ROR1: variants seen among roughly 807,000 people sequenced by gnomAD.
ROR1 encodes the protein inactive tyrosine-protein kinase transmembrane receptor ROR1.
A neutral mutation model predicts 78.8 loss-of-function variants in ROR1; 19 were observed. The ratio of observed to expected loss-of-function variants is 0.24; its 90% CI spans 0.17 to 0.35. The LOEUF (loss-of-function observed/expected upper bound fraction) is 0.35, where lower values mean the gene tolerates loss of function less well. Among genes scored for constraint, ROR1 ranks in the 10% least tolerant of loss-of-function variants. ROR1 has a pLI of 1.00. For missense variants in ROR1, 917 were observed against 1,177.8 expected, an observed-to-expected ratio of 0.78 and a Z score of 3.24; for synonymous variants, 386 against 433.6, an observed-to-expected ratio of 0.89 and a Z score of 1.36.
intron 1 of ROR1, among the ~76,000 whole-genome samples, chr1:63,868,455 A>G (rs550598169): frequency 1.6e-4 from 24 of 152,334 alleles, no homozygotes; most frequent in African/African-American, 5.3e-4. Flanking sequence ...CCAGAGTCTG[A>G]TAGACCTGGG....
chr1:63,922,540 C>T (rs1053097314), intron 1 of ROR1, among the ~76,000 whole-genome samples: 4 of 152,138 alleles, frequency 2.6e-5, no homozygotes, highest in Admixed American at 6.6e-5. Context: ...CTCTTTGCAA[C>T]AGAATTGGAG....
intron 4 of ROR1, among the ~76,000 whole-genome samples, chr1:64,082,229 G>A (rs1271868485): frequency 1.1e-4 from 16 of 152,180 alleles, no homozygotes; most frequent in African/African-American, 2.4e-4. Context: ...GAATAAGTTC[G>A]TGGCAGTAAT....
Position 63,801,726 on chromosome 1 carries a change from A to C in ROR1, c.91+27218A>C, listed in dbSNP as rs537635481. ...GCACTCATTAGACAGTTAATGAAAA[A>C]GGTTAGTTAAAATAGGGAGTGAGGA... is the stretch of plus-strand genomic sequence containing the variant. On this transcript the variant is annotated intron_variant, in intron 1 of 8. Transcript: ENST00000371079. 7.2e-4 allele frequency among the ~76,000 whole-genome samples: 110 copies of C among 152,338 alleles called. 1 individual carries two copies. Among genetic ancestry groups the C allele is most frequent in the African/African-American group, 2.6e-3 (107 of 41,570 alleles).
intron 1 of ROR1, among the ~76,000 whole-genome samples, chr1:64,000,327 T>G (rs1646372409): frequency 6.6e-6 from 1 of 152,236 alleles, no homozygotes. Context: ...CGAAGCATTC[T>G]GCAGCATGCC....
intron 1 of ROR1, among the ~76,000 whole-genome samples, chr1:64,003,228 T>C (rs1646400297): frequency 6.6e-6 from 1 of 152,120 alleles, no homozygotes; most frequent in African/African-American, 2.4e-5. Context: ...GATCTCACCA[T>C]ATAACAATAC....
chr1:63,779,752 C>A (rs1306098580), intron 1 of ROR1, among the ~76,000 whole-genome samples: 1 of 152,046 alleles, frequency 6.6e-6, no homozygotes, highest in Admixed American at 6.6e-5. Flanking sequence ...GGCAGTGAAA[C>A]GTGGATTAAT....
chr1:63,917,077 G>T (rs855819), intron 1 of ROR1, among the ~76,000 whole-genome samples: 125,937 of 152,064 alleles, frequency 0.83, 53,195 homozygotes, highest in East Asian at 0.99. Flanking sequence ...TACGGACACT[G>T]TCCCTGAACC....
At chr1:64,159,779 A>G (rs1649886313) in intron 8 of ROR1, among the ~76,000 whole-genome samples, 1 of 152,104 alleles carries the variant, frequency 6.6e-6, no homozygotes, top group Non-Finnish European at 1.5e-5. Context: ...TAGTCTTCGA[A>G]TGCTGTTTTA....
At chr1:63,907,019 T>G (rs1374250964) in intron 1 of ROR1, among the ~76,000 whole-genome samples, 1 of 152,210 alleles carries the variant, frequency 6.6e-6, no homozygotes, top group Non-Finnish European at 1.5e-5. Flanking sequence ...AAATGAATAT[T>G]TAACTGTTGT....
intron 2 of ROR1, among the ~76,000 whole-genome samples, chr1:64,036,322 C>G (rs928459795): frequency 7.9e-5 from 12 of 152,136 alleles, no homozygotes; most frequent in African/African-American, 2.9e-4. Flanking sequence ...TACTGGGGTA[C>G]ATGTTTTTTG....
At chr1:64,128,291 C>CAAAAAA (rs72429774) in intron 4 of ROR1, among the ~76,000 whole-genome samples, 1 of 101,226 alleles carries the variant, frequency 9.9e-6, no homozygotes, top group Non-Finnish European at 1.8e-5. Flanking sequence ...CCTGTCTCTA[C>CAAAAAA]AAAAAAAAAA....
chr1:64,119,029 G>C (rs1648427122), intron 4 of ROR1, among the ~76,000 whole-genome samples: 1 of 152,154 alleles, frequency 6.6e-6, no homozygotes, highest in Non-Finnish European at 1.5e-5. Context: ...CGTAACCCAA[G>C]GGCCAATGTG....
At chr1:63,929,802 G>A (rs972298608) in intron 1 of ROR1, among the ~76,000 whole-genome samples, 1 of 152,084 alleles carries the variant, frequency 6.6e-6, no homozygotes, top group Non-Finnish European at 1.5e-5. Flanking sequence ...TGCCTTAGGA[G>A]GAAGTATAAT....
intron 4 of ROR1, among the ~76,000 whole-genome samples, chr1:64,100,337 A>G (rs1399123880): frequency 6.6e-6 from 1 of 151,890 alleles, no homozygotes; most frequent in East Asian, 1.9e-4. Context: ...AAAAATAAAA[A>G]ATAAGCTAGG....
chr1:64,025,338 T>G (rs2100561486), intron 2 of ROR1, among the ~76,000 whole-genome samples: 1 of 152,288 alleles, frequency 6.6e-6, no homozygotes, highest in African/African-American at 2.4e-5. Context: ...GGTTCCTCGC[T>G]TCTGTACTAC....
chr1:63,885,821 G>A (rs938791985), intron 1 of ROR1, among the ~76,000 whole-genome samples: 2 of 152,126 alleles, frequency 1.3e-5, no homozygotes, highest in Non-Finnish European at 2.9e-5. Context: ...AACCTTTTTG[G>A]CACCAGGGAC....
At chr1:64,017,112 TC>T (rs1352558994) in intron 2 of ROR1, among the ~76,000 whole-genome samples, 2 of 151,902 alleles carry the variant, frequency 1.3e-5, no homozygotes, top group African/African-American at 4.8e-5. Flanking sequence ...TCACCATGTT[TC>T]CCAGGCTTGT....
chr1:63,819,158 G>A (rs1448234459), intron 1 of ROR1, among the ~76,000 whole-genome samples: 1 of 152,052 alleles, frequency 6.6e-6, no homozygotes, highest in Non-Finnish European at 1.5e-5. Context: ...TGTGGCTTTC[G>A]GAATTTCTCA....
chr1:64,107,275 G>A (rs1159936760), intron 4 of ROR1, among the ~76,000 whole-genome samples: 1 of 152,186 alleles, frequency 6.6e-6, no homozygotes, highest in East Asian at 1.9e-4. Context: ...TTGAGTGCAG[G>A]TGGTCAGTAA....
Sources: gnomAD v4.1 joint callset for allele counts (sites outside exome capture counted in the v4.1 genomes callset) on GRCh38, gnomAD v4.1.1 for gene constraint, MANE v1.5 for transcripts, NCBI Gene and HGNC (gene_info 2026-07-23, HGNC 2026-07-21) for gene names.